The following MAS1 variants were observed in gnomAD, a reference collection of about 807,000 sequenced individuals.
MAS1 encodes the protein proto-oncogene Mas.
For synonymous variants in MAS1, 163 were observed against 164.2 expected (o/e 0.99, Z 0.05); for missense variants, 387 against 409.7 (o/e 0.94, Z 0.48).
rs1190632100 is a variant in MAS1, at chr6:159,915,849, C to T, written c.*7916C>T. The T allele has an allele frequency of 6.6e-6, 1 of 152,324 alleles. No individual in the cohort carries two copies. Among genetic ancestry groups the T allele is most frequent in the Non-Finnish European group, 1.5e-5 (1 of 68,108 alleles). 9.4% of individuals were successfully genotyped at this position (152,324 alleles called of 1,614,324 possible). On this transcript the variant is annotated 3_prime_UTR_variant, in exon 3 of 3. Transcript: ENST00000674077. Reference sequence around the variant, plus strand: ...GGCCCAGGACAGTGAGGCCCCACCTCAGAACTGCCCTCCTGGAAGGGCGAA... The same window carrying T: ...GGCCCAGGACAGTGAGGCCCCACCTTAGAACTGCCCTCCTGGAAGGGCGAA...
In MAS1 at chr6:159,908,694, T is replaced by G. The variant is rs79980648; in HGVS notation, c.*761T>G. The G allele has an allele frequency of 5.3e-5, 8 of 152,200 alleles. No individual in the cohort carries two copies. The highest frequency in any genetic ancestry group is 1.0e-4 in the Non-Finnish European group (7 of 68,030). 9.4% of individuals were successfully genotyped at this position (152,200 alleles called of 1,614,324 possible). A position where few individuals can be genotyped will look rare whatever the true frequency, so the allele number is the denominator to read the frequency against. ...GGATGTTATGATCTAACAAGCCATG[T>G]GCTAGTGCATCATTTCAGGTTGTGA... is the stretch of plus-strand genomic sequence containing the variant. On this transcript the variant is annotated 3_prime_UTR_variant, in exon 3 of 3. Coordinates refer to ENST00000674077, the MANE Select transcript of MAS1 (RefSeq NM_002377.4).
At chr6:159,902,803 C>T (rs1022409182) in intron 2 of MAS1, among the ~76,000 whole-genome samples, 5 of 152,150 alleles carry the variant, frequency 3.3e-5, no homozygotes, top group Admixed American at 1.3e-4. Flanking sequence ...GTGGTTGGTT[C>T]GGACCCCTGG....
At chr6:159,897,430 C>T (rs1347419585) in intron 1 of MAS1, among the ~76,000 whole-genome samples, 1 of 152,164 alleles carries the variant, frequency 6.6e-6, no homozygotes, top group African/African-American at 2.4e-5. Context: ...GATGTTATCC[C>T]TAGGAGTAAT....
chr6:159,904,123 C>A (rs921649029), intron 2 of MAS1, among the ~76,000 whole-genome samples: 2 of 152,100 alleles, frequency 1.3e-5, no homozygotes, highest in Non-Finnish European at 2.9e-5. Flanking sequence ...TCAGGTCATC[C>A]TCAGTTTCCT....
Position 159,912,137 on chromosome 6 carries a change from G to A in MAS1, c.*4204G>A, listed in dbSNP as rs1038388695. On this transcript the variant is annotated 3_prime_UTR_variant, in exon 3 of 3. Transcript: ENST00000674077. ...GAGACAGCATTGTATGCACTGAGATGAGCAACTGGAGAGCCACCAGCAGCC... is the reference window on the plus strand; with the variant it reads ...GAGACAGCATTGTATGCACTGAGATAAGCAACTGGAGAGCCACCAGCAGCC... 2.0e-5 allele frequency: 3 copies of A among 152,308 alleles called. No individual in the cohort carries two copies. Among genetic ancestry groups the A allele is most frequent in the African/African-American group, 7.2e-5 (3 of 41,454 alleles). 9.4% of individuals were successfully genotyped at this position (152,308 alleles called of 1,614,324 possible).
At chr6:159,890,431 C>A (rs546526456), upstream of MAS1, among the ~76,000 whole-genome samples, 2 of 152,322 alleles carry the variant, frequency 1.3e-5, no homozygotes, top group East Asian at 3.9e-4. Flanking sequence ...CCCCTGCCTT[C>A]ACCCCTGAAC....
intron 1 of MAS1, among the ~76,000 whole-genome samples, chr6:159,896,011 A>G (rs528057137): frequency 3.9e-5 from 6 of 152,350 alleles, no homozygotes; most frequent in African/African-American, 1.4e-4. Flanking sequence ...GGGGATTATT[A>G]AAAATGAATA....
In MAS1 at chr6:159,907,072, T is replaced by C; in HGVS notation, c.117T>C (p.Ile39=). 2 of 1,614,136 alleles carry C rather than the reference T, an allele frequency of 1.2e-6. No homozygotes were observed. The highest frequency in any genetic ancestry group is 1.7e-6 in the Non-Finnish European group (2 of 1,180,006). ...AAATCCCCATCGTGCACTGGGTCAT[T>C]ATGAGCATCTCCCCAGTGGGGTTTG... ...HRQIPIVHWV[I]MSISPVGFVE... Residue 39 remains isoleucine, a synonymous_variant, in exon 3 of 3, where the codon ATT becomes ATC. Transcript: ENST00000674077.
rs527546996 is a variant in MAS1 at position 159,915,684 on chromosome 6, G to A, written c.*7751G>A. On this transcript the variant is annotated 3_prime_UTR_variant, in exon 3 of 3. Transcript: ENST00000674077. ...CTCTGTGACTGGTGACTTAGTTGGAGTTCCACCCAAAGCAGATCCTGAGAC... is the reference window on the plus strand; with the variant it reads ...CTCTGTGACTGGTGACTTAGTTGGAATTCCACCCAAAGCAGATCCTGAGAC... 6.6e-6 allele frequency: 1 copy of A among 152,254 alleles called. No homozygotes were observed. The highest frequency in any genetic ancestry group is 2.4e-5 in the African/African-American group (1 of 41,456). 9.4% of individuals were successfully genotyped at this position (152,254 alleles called of 1,614,324 possible).
In MAS1 at chr6:159,910,592, C is replaced by A. The variant is rs1372669249; in HGVS notation, c.*2659C>A. ...GACGTAGCTTTGCTCACTGCTGTAGCCCCAGCTTATTTGCTGTGTTGGTCG... is the reference window on the plus strand; with the variant it reads ...GACGTAGCTTTGCTCACTGCTGTAGACCCAGCTTATTTGCTGTGTTGGTCG... On this transcript the variant is annotated 3_prime_UTR_variant, in exon 3 of 3. Coordinates refer to ENST00000674077, the MANE Select transcript of MAS1 (RefSeq NM_002377.4). 6.6e-6 allele frequency: 1 copy of A among 152,286 alleles called. No homozygotes were observed. Among genetic ancestry groups the A allele is most frequent in the East Asian group, 1.9e-4 (1 of 5,206 alleles). The allele number at this position is 152,286 out of a possible 1,614,324, so 9.4% of individuals were successfully genotyped here.
chr6:159,898,048 C>T (rs921485701), intron 1 of MAS1, among the ~76,000 whole-genome samples: 2 of 151,928 alleles, frequency 1.3e-5, no homozygotes, highest in South Asian at 4.2e-4. Context: ...CATGCCACCA[C>T]GCCCGGATAA....
chr6:159,888,977 C>A (rs1203327581), upstream of MAS1, among the ~76,000 whole-genome samples: 1 of 152,218 alleles, frequency 6.6e-6, no homozygotes, highest in Non-Finnish European at 1.5e-5. Context: ...GACTCCAGCT[C>A]CATCTGTGAT....
In MAS1 at chr6:159,914,364, G is replaced by T. The variant is rs1251452942; in HGVS notation, c.*6431G>T. On this transcript the variant is annotated 3_prime_UTR_variant, in exon 3 of 3. Transcript: ENST00000674077. ...CTCTGACAGTTTTTTAAGGGTTCTT[G>T]GTGGTGTCAGAGCTTTGCTACTTAG... The T allele has an allele frequency of 1.3e-5, 2 of 152,070 alleles. No individual in the cohort carries two copies. The highest frequency in any genetic ancestry group is 4.8e-5 in the African/African-American group (2 of 41,392). The allele number at this position is 152,070 out of a possible 1,614,324, so 9.4% of individuals were successfully genotyped here. A position where few individuals can be genotyped will look rare whatever the true frequency, so the allele number is the denominator to read the frequency against.
In MAS1 at chr6:159,909,126, G is replaced by T. The variant is rs1024339175; in HGVS notation, c.*1193G>T. The T allele has an allele frequency of 6.6e-6, 1 of 152,268 alleles. No homozygotes were observed. 9.4% of individuals were successfully genotyped at this position (152,268 alleles called of 1,614,324 possible). A position where few individuals can be genotyped will look rare whatever the true frequency, so the allele number is the denominator to read the frequency against. Reference sequence around the variant, plus strand: ...AATCTTTACTCAGCACTCCAGGGGGGGCTCTGCCTCTTGCCTGCCATGAGT... The same window carrying T: ...AATCTTTACTCAGCACTCCAGGGGGTGCTCTGCCTCTTGCCTGCCATGAGT... On this transcript the variant is annotated 3_prime_UTR_variant, in exon 3 of 3. Transcript: ENST00000674077.
intron 1 of MAS1, among the ~76,000 whole-genome samples, chr6:159,895,479 T>C (rs1782745212): frequency 6.6e-6 from 1 of 152,228 alleles, no homozygotes; most frequent in Admixed American, 6.5e-5. Context: ...TGGGGAAAAA[T>C]ATAACATATA....
intron 2 of MAS1, chr6:159,906,610 C>A (rs542157416): frequency 4.7e-6 from 1 of 211,674 alleles, no homozygotes; most frequent in Non-Finnish European, 9.5e-6. Flanking sequence ...ACAGGGCACT[C>A]GGCCACTCTT....
At chr6:159,906,772 A>T in intron 2 of MAS1, 148 bp from the exon 3 acceptor site, 1 of 627,652 alleles carries the variant, frequency 1.6e-6, no homozygotes, top group East Asian at 2.9e-5. Context: ...GCCTAATCTT[A>T]TCATTGTGAC....
At position 159,907,868 on chromosome 6, in the gene MAS1, G is replaced by GATGAAATGCAACCTCGGCGCC. The variant is rs1562312755; in HGVS notation, c.915_935dup (p.Arg311_Gln312insHisGluMetGlnProArgArg). On this transcript the variant is annotated inframe_insertion, in exon 3 of 3. Transcript: ENST00000674077. ...AGTTGTTCTGACCAGGGCTTTCAAAGATGAAATGCAACCTCGGCGCCAGAA... is the reference window on the plus strand; with the variant it reads ...AGTTGTTCTGACCAGGGCTTTCAAAGATGAAATGCAACCTCGGCGCCATGAAATGCAACCTCGGCGCCAGAA... 6.2e-7 allele frequency: 1 copy of GATGAAATGCAACCTCGGCGCC among 1,611,576 alleles called. No homozygotes were observed. The highest frequency in any genetic ancestry group is 1.7e-5 in the Admixed American group (1 of 59,542).
Position 159,907,726 on chromosome 6 carries a change from C to T in MAS1, c.771C>T (p.Thr257=), listed in dbSNP as rs1180416454. The part of the protein sequence containing the change: ...LYLLYYEYWS[T]FGNLHHISLL... ...TGCTGTACTATGAGTATTGGTCGAC[C>T]TTTGGGAACCTACACCACATTTCCC... The change falls in exon 3 of 3, where the codon ACC becomes ACT. Residue 257 remains threonine (T), a synonymous_variant. Coordinates refer to ENST00000674077, the MANE Select transcript of MAS1 (RefSeq NM_002377.4). 4 of 1,613,472 alleles carry T rather than the reference C, an allele frequency of 2.5e-6. No individual in the cohort carries two copies. The South Asian group carries it at 3.3e-5, about 13-fold the overall frequency.
Sources: allele counts gnomAD v4.1 joint callset (sites outside exome capture counted in the v4.1 genomes callset), GRCh38; gene constraint gnomAD v4.1.1; transcripts MANE v1.5; gene names NCBI Gene and HGNC (gene_info 2026-07-23, HGNC 2026-07-21).